JAKMIP2: variants seen among roughly 807,000 people sequenced by gnomAD.
JAKMIP2 encodes the protein janus kinase and microtubule interacting protein 2.
A neutral mutation model predicts 115.0 loss-of-function variants in JAKMIP2; 25 were observed. That is an observed-to-expected ratio of 0.22 (90% confidence interval 0.16 to 0.30). The LOEUF (loss-of-function observed/expected upper bound fraction) is 0.30, where lower values mean the gene tolerates loss of function less well. Ranked by LOEUF, JAKMIP2 falls within the 10% of genes least tolerant of loss-of-function variation. JAKMIP2 has a pLI of 1.00. For synonymous variants in JAKMIP2, 334 were observed against 343.6 expected (o/e 0.97, Z 0.31); for missense variants, 642 against 957.6 (o/e 0.67, Z 4.35).
intron 1 of JAKMIP2, among the ~76,000 whole-genome samples, chr5:147,681,572 A>G (rs1213154988): frequency 6.6e-6 from 1 of 152,182 alleles, no homozygotes; most frequent in Admixed American, 6.5e-5. Context: ...AACTCACTAA[A>G]ATACAAATAT....
At chr5:147,681,716 A>G (rs2126833910) in intron 1 of JAKMIP2, among the ~76,000 whole-genome samples, 1 of 152,160 alleles carries the variant, frequency 6.6e-6, no homozygotes, top group Middle Eastern at 3.4e-3. Context: ...CATCATAGGA[A>G]TCTCAGTGAG....
At chr5:147,615,037 T>TAC (rs1756502579) in intron 19 of JAKMIP2, among the ~76,000 whole-genome samples, 1 of 152,152 alleles carries the variant, frequency 6.6e-6, no homozygotes, top group Non-Finnish European at 1.5e-5. Flanking sequence ...GCATAGCACT[T>TAC]ATTGCCACTC....
At chr5:147,711,493 A>G (rs1169702370) in intron 1 of JAKMIP2, among the ~76,000 whole-genome samples, 1 of 152,214 alleles carries the variant, frequency 6.6e-6, no homozygotes, top group Non-Finnish European at 1.5e-5. Flanking sequence ...ATATTGGTTA[A>G]GAGTATAGAC....
In JAKMIP2 at chr5:147,637,051, G is replaced by A. The variant is rs1016356737; in HGVS notation, c.1531-3C>T. The A allele has an allele frequency of 2.3e-6, 2 of 872,274 alleles. No individual in the cohort carries two copies. The highest frequency in any genetic ancestry group is 4.0e-6 in the Non-Finnish European group (2 of 501,538). The allele number at this position is 872,274 out of a possible 1,614,324, so 54.0% of individuals were successfully genotyped here. On this transcript the variant is annotated splice_region_variant and splice_polypyrimidine_tract_variant and intron_variant, in intron 10 of 21. Transcript: ENST00000616793. ...TCTGCTTGGAGCTGTTCTTGAGCCT[G>A]GTGAAACCAAAATTCCAGAACTCAG...
intron 1 of JAKMIP2, among the ~76,000 whole-genome samples, chr5:147,763,168 G>T (rs953364231): frequency 6.6e-6 from 1 of 152,080 alleles, no homozygotes; most frequent in Non-Finnish European, 1.5e-5. Context: ...ATGAATTTTG[G>T]GGGAGTAGAG....
intron 1 of JAKMIP2, among the ~76,000 whole-genome samples, chr5:147,690,542 TATATATATATA>T (rs1751787230): frequency 5.7e-4 from 1 of 1,750 alleles, no homozygotes; most frequent in African/African-American, 1.4e-3. Flanking sequence ...AAAGAGATTA[TATATATATATA>T]TATATATATA....
At position 147,739,799 on chromosome 5, in the gene JAKMIP2, A is replaced by G. The variant is rs111707965; in HGVS notation, c.-149+42657T>C. Among the ~76,000 whole-genome samples, 302 of 152,140 alleles carry G rather than the reference A, an allele frequency of 2.0e-3. 1 individual carries two copies. The highest frequency in any genetic ancestry group is 7.0e-3 in the African/African-American group (290 of 41,576). The stretch of plus-strand genomic sequence containing the variant: ...TTAAATCAAGTTCTGAGCTCTGATC[A>G]TCCTCTGGGACTAGACAGCCTAATT... On this transcript the variant is annotated intron_variant, in intron 1 of 21. Coordinates refer to ENST00000616793, the MANE Select transcript of JAKMIP2 (RefSeq NM_001270941.2).
At chr5:147,745,991 T>TTTACAATAA (rs1192609741) in intron 1 of JAKMIP2, among the ~76,000 whole-genome samples, 1 of 152,154 alleles carries the variant, frequency 6.6e-6, no homozygotes, top group Non-Finnish European at 1.5e-5. Flanking sequence ...TACACAAGTA[T>TTTACAATAA]TTACAATTAT....
chr5:147,766,126 T>C (rs1755147379), intron 1 of JAKMIP2, among the ~76,000 whole-genome samples: 1 of 152,142 alleles, frequency 6.6e-6, no homozygotes, highest in South Asian at 2.1e-4. Context: ...TTTCCCCCCA[T>C]CTTTTCTCCT....
In JAKMIP2 at chr5:147,589,979, A is replaced by C. The variant is rs992199210; in HGVS notation, c.*1728T>G. 3.3e-5 allele frequency: 5 copies of C among 152,262 alleles called. No individual in the cohort carries two copies. Among genetic ancestry groups the C allele is most frequent in the Admixed American group, 6.5e-5 (1 of 15,290 alleles). 9.4% of individuals were successfully genotyped at this position (152,262 alleles called of 1,614,324 possible). A position where few individuals can be genotyped will look rare whatever the true frequency, so the allele number is the denominator to read the frequency against. On this transcript the variant is annotated 3_prime_UTR_variant, in exon 22 of 22. Coordinates refer to ENST00000616793, the MANE Select transcript of JAKMIP2 (RefSeq NM_001270941.2). ...AATTGCAAATAAAACTTTATGAAAA[A>C]GCATTTTAACCCCATTTTGCAGATG...
intron 1 of JAKMIP2, among the ~76,000 whole-genome samples, chr5:147,740,269 T>C (rs1754093666): frequency 1.3e-5 from 2 of 152,228 alleles, no homozygotes; most frequent in Admixed American, 1.3e-4. Flanking sequence ...TGTCTAATTA[T>C]AGAATCAGAA....
At chr5:147,662,145 T>G (rs1321166438) in intron 2 of JAKMIP2, 1 of 139,626 alleles carries the variant, frequency 7.2e-6, no homozygotes, top group African/African-American at 3.1e-5. Context: ...GGCAGGTTAG[T>G]TTCATCCCCA....
chr5:147,751,021 C>G (rs2127021218), intron 1 of JAKMIP2, among the ~76,000 whole-genome samples: 1 of 152,260 alleles, frequency 6.6e-6, no homozygotes, highest in African/African-American at 2.4e-5. Context: ...AAATTCTTTC[C>G]CATCCACCTA....
intron 1 of JAKMIP2, among the ~76,000 whole-genome samples, chr5:147,738,652 A>G (rs1200515639): frequency 6.6e-6 from 1 of 152,186 alleles, no homozygotes; most frequent in Non-Finnish European, 1.5e-5. Flanking sequence ...ATTCAGAAAA[A>G]AAGTTTCACA....
Position 147,598,485 on chromosome 5 carries a change from T to A in JAKMIP2, c.*20+3256A>T, listed in dbSNP as rs561550022. ...CATCTATCTATGTATCATCTATCTATCTATCTATGCTATTGGTTACCTCTC... is the reference window on the plus strand; with the variant it reads ...CATCTATCTATGTATCATCTATCTAACTATCTATGCTATTGGTTACCTCTC... On this transcript the variant is annotated intron_variant, in intron 21 of 21. Transcript: ENST00000616793. Among the ~76,000 whole-genome samples the A allele has an allele frequency of 4.6e-5, 7 of 152,312 alleles. No homozygotes were observed. The South Asian group carries it at 1.5e-3, about 32-fold the overall frequency.
intron 3 of JAKMIP2, 73 bp downstream of exon 3, chr5:147,660,875 A>G (rs1249529786): frequency 2.0e-6 from 3 of 1,527,254 alleles, no homozygotes; most frequent in Non-Finnish European, 1.8e-6. Context: ...CACATGAAGA[A>G]GCAAACCCCA....
At chr5:147,697,186 G>A (rs1289213314) in intron 1 of JAKMIP2, among the ~76,000 whole-genome samples, 1 of 152,144 alleles carries the variant, frequency 6.6e-6, no homozygotes, top group Non-Finnish European at 1.5e-5. Flanking sequence ...TGACTGAAGA[G>A]CCTTTAGAAT....
At chr5:147,684,550 G>A (rs1760479930) in intron 1 of JAKMIP2, among the ~76,000 whole-genome samples, 2 of 152,204 alleles carry the variant, frequency 1.3e-5, no homozygotes, top group Admixed American at 1.3e-4. Flanking sequence ...GACAAGTGGA[G>A]ATAAGTGTGA....
At chr5:147,704,540 G>C in intron 1 of JAKMIP2, among the ~76,000 whole-genome samples, 1 of 152,090 alleles carries the variant, frequency 6.6e-6, no homozygotes, top group East Asian at 1.9e-4. Context: ...GAAGAGAGGA[G>C]GAGGCTCCAA....
Sources: gnomAD v4.1 joint callset for allele counts (sites outside exome capture counted in the v4.1 genomes callset) on GRCh38, gnomAD v4.1.1 for gene constraint, MANE v1.5 for transcripts, NCBI Gene and HGNC (gene_info 2026-07-23, HGNC 2026-07-21) for gene names.